Variants in NCOA2 observed in about 807,000 individuals in gnomAD.
The protein encoded by NCOA2 is nuclear receptor coactivator 2.
In NCOA2, 21 loss-of-function variants were observed where a neutral mutation model predicts 145.1. That is an observed-to-expected ratio of 0.14 (90% CI 0.10 to 0.21). The LOEUF (loss-of-function observed/expected upper bound fraction) is 0.21. NCOA2 is among the 10% of genes least tolerant of loss of function. NCOA2 has a pLI of 1.00. For synonymous variants in NCOA2, 619 were observed against 637.5 expected, an observed-to-expected ratio of 0.97 and a Z score of 0.44; for missense variants, 1,472 against 1,837.6, an observed-to-expected ratio of 0.80 and a Z score of 3.64.
At chr8:70,211,670 TG>T in intron 4 of NCOA2, among the ~76,000 whole-genome samples, 1 of 152,166 alleles carries the variant, frequency 6.6e-6, no homozygotes, top group Non-Finnish European at 1.5e-5. Context: ...AGCTCCTAAA[TG>T]GACCAGGATT....
chr8:70,400,395 C>T (rs1814124446), intron 1 of NCOA2, among the ~76,000 whole-genome samples: 1 of 152,030 alleles, frequency 6.6e-6, no homozygotes, highest in Admixed American at 6.5e-5. Flanking sequence ...AGGTTTTTTT[C>T]CCCCCAAGCC....
At chr8:70,328,038 CA>C (rs1435188076) in intron 1 of NCOA2, among the ~76,000 whole-genome samples, 1 of 152,172 alleles carries the variant, frequency 6.6e-6, no homozygotes, top group Non-Finnish European at 1.5e-5. Context: ...TTGAGCAAAA[CA>C]AAAACACTGT....
intron 1 of NCOA2, among the ~76,000 whole-genome samples, chr8:70,304,441 T>C (rs1307494082): frequency 6.6e-6 from 1 of 152,000 alleles, no homozygotes; most frequent in Non-Finnish European, 1.5e-5. Flanking sequence ...ATACTCAGAA[T>C]GCATCTAAGT....
At chr8:70,407,788 C>CT (rs1404842986), upstream of NCOA2, among the ~76,000 whole-genome samples, 1 of 152,070 alleles carries the variant, frequency 6.6e-6, no homozygotes, top group African/African-American at 2.4e-5. Context: ...GAGCAAGACT[C>CT]TGTCTCCTAG....
intron 1 of NCOA2, among the ~76,000 whole-genome samples, chr8:70,326,816 T>C (rs1430357963): frequency 1.3e-5 from 2 of 152,216 alleles, no homozygotes; most frequent in African/African-American, 4.8e-5. Flanking sequence ...TTCATTAGTT[T>C]TAGCCTTTGA....
chr8:70,140,294 C>T (rs199769287), intron 14 of NCOA2, among the ~76,000 whole-genome samples: 3 of 152,286 alleles, frequency 2.0e-5, no homozygotes, highest in East Asian at 3.9e-4. Context: ...ACTCCTGGCC[C>T]TAGGTAACCA....
chr8:70,222,304 C>T (rs1057337091), intron 2 of NCOA2, among the ~76,000 whole-genome samples: 1 of 152,044 alleles, frequency 6.6e-6, no homozygotes, highest in Non-Finnish European at 1.5e-5. Context: ...TATGATTTTT[C>T]AATACTAAAA....
intron 1 of NCOA2, among the ~76,000 whole-genome samples, chr8:70,374,810 AAG>A (rs1811527885): frequency 6.6e-6 from 1 of 151,740 alleles, no homozygotes; most frequent in Non-Finnish European, 1.5e-5. Context: ...AAAAAAAAAA[AAG>A]AAAGAAAAGT....
At chr8:70,249,666 T>G (rs942304158) in intron 2 of NCOA2, among the ~76,000 whole-genome samples, 2 of 152,004 alleles carry the variant, frequency 1.3e-5, no homozygotes, top group African/African-American at 2.4e-5. Flanking sequence ...ACAGTATCTG[T>G]ATATCAAAAC....
intron 1 of NCOA2, among the ~76,000 whole-genome samples, chr8:70,337,331 G>C (rs1586534028): frequency 6.6e-6 from 1 of 152,028 alleles, no homozygotes; most frequent in East Asian, 1.9e-4. Flanking sequence ...TGTCTGGTCA[G>C]AAAAAGCTTG....
intron 1 of NCOA2, among the ~76,000 whole-genome samples, chr8:70,396,753 A>T (rs1384522031): frequency 1.3e-5 from 2 of 152,360 alleles, no homozygotes; most frequent in Non-Finnish European, 2.9e-5. Context: ...ATGCCTCCTG[A>T]TACAATTTGC....
intron 11 of NCOA2, among the ~76,000 whole-genome samples, chr8:70,151,777 A>C (rs1456473784): frequency 2.0e-5 from 3 of 152,180 alleles, no homozygotes; most frequent in Admixed American, 1.3e-4. Context: ...CAATTTATGG[A>C]GTACACATTT....
chr8:70,349,671 C>A (rs1238681313), intron 1 of NCOA2, among the ~76,000 whole-genome samples: 1 of 152,050 alleles, frequency 6.6e-6, no homozygotes, highest in Non-Finnish European at 1.5e-5. Flanking sequence ...TAGATTCTGT[C>A]TGACACTAAA....
chr8:70,245,821 C>T (rs1822568673), intron 2 of NCOA2, among the ~76,000 whole-genome samples: 2 of 152,230 alleles, frequency 1.3e-5, no homozygotes, highest in Middle Eastern at 3.4e-3. Flanking sequence ...CAAATATATA[C>T]TCTCTTGAGC....
chr8:70,150,762 CA>C (rs1811650011), intron 11 of NCOA2, among the ~76,000 whole-genome samples: 1 of 152,208 alleles, frequency 6.6e-6, no homozygotes, highest in South Asian at 2.1e-4. Context: ...CCTCCAAGGA[CA>C]GTGCCTAGAA....
At chr8:70,431,990 A>G in the NCOA2 span, among the ~76,000 whole-genome samples, 3 of 152,242 alleles carry the variant, frequency 2.0e-5, no homozygotes, top group African/African-American at 7.2e-5. Flanking sequence ...GTTTATTTGA[A>G]CGGAATAGTA....
At chr8:70,446,692 G>T in the NCOA2 span, among the ~76,000 whole-genome samples, 1 of 152,096 alleles carries the variant, frequency 6.6e-6, no homozygotes, top group Non-Finnish European at 1.5e-5. Flanking sequence ...ATTTCGCTCA[G>T]TTTTTCCATC....
At chr8:70,250,835 T>C (rs1473425602) in intron 2 of NCOA2, among the ~76,000 whole-genome samples, 2 of 152,236 alleles carry the variant, frequency 1.3e-5, no homozygotes, top group African/African-American at 4.8e-5. Flanking sequence ...AATATTAATT[T>C]GTAAACCCAT....
At chr8:70,253,473 T>C (rs1823370040) in intron 2 of NCOA2, among the ~76,000 whole-genome samples, 1 of 152,062 alleles carries the variant, frequency 6.6e-6, no homozygotes, top group Non-Finnish European at 1.5e-5. Context: ...AAAATGATAC[T>C]TGAATTAGGG....
Sources: gnomAD v4.1 joint callset for allele counts (sites outside exome capture counted in the v4.1 genomes callset) on GRCh38, gnomAD v4.1.1 for gene constraint, MANE v1.5 for transcripts, NCBI Gene and HGNC (gene_info 2026-07-23, HGNC 2026-07-21) for gene names.